The following UNC13B variants were observed in gnomAD, a reference collection of about 807,000 sequenced individuals.
UNC13B encodes unc-13 homolog B.
A neutral mutation model predicts 211.0 loss-of-function variants in UNC13B; 144 were observed. That is an observed-to-expected ratio of 0.68 (90% CI 0.60 to 0.78). The LOEUF is 0.78. Among genes scored for constraint, UNC13B ranks in the 30% least tolerant of loss-of-function variants. UNC13B has a pLI of 0.00. For missense variants in UNC13B, 1,777 were observed against 2,002.0 expected, an observed-to-expected ratio of 0.89 and a Z score of 2.14; for synonymous variants, 709 against 725.8, an observed-to-expected ratio of 0.98 and a Z score of 0.37.
chr9:35,397,835 C>A, intron 30 of UNC13B, 123 bp downstream of exon 30: 2 of 1,022,568 alleles, frequency 2.0e-6, no homozygotes, highest in Non-Finnish European at 2.9e-6. Context: ...CCCACCATGG[C>A]TTTGCTTCAG....
intron 26 of UNC13B, among the ~76,000 whole-genome samples, chr9:35,392,757 C>T (rs953628009): frequency 6.6e-6 from 1 of 151,270 alleles, no homozygotes; most frequent in Non-Finnish European, 1.5e-5. Context: ...CTAACCTGCA[C>T]ATTGTGCACA....
intron 7 of UNC13B, among the ~76,000 whole-genome samples, chr9:35,294,117 G>T (rs1225516191): frequency 3.3e-5 from 5 of 152,032 alleles, no homozygotes; most frequent in African/African-American, 1.2e-4. Context: ...AAGCCAAGGG[G>T]GGTCATTTCC....
intron 7 of UNC13B, among the ~76,000 whole-genome samples, chr9:35,284,746 G>GT (rs1372333871): frequency 1.3e-5 from 2 of 152,194 alleles, no homozygotes; most frequent in African/African-American, 4.8e-5. Flanking sequence ...AATTTCTAGT[G>GT]TTTGAGTTTA....
chr9:35,275,198 T>C (rs1828102441), intron 7 of UNC13B, among the ~76,000 whole-genome samples: 1 of 152,188 alleles, frequency 6.6e-6, no homozygotes, highest in Non-Finnish European at 1.5e-5. Flanking sequence ...ATGGGTAAAC[T>C]AGAGTTAAAA....
At chr9:35,243,186 A>T in intron 5 of UNC13B, 105 bp from the exon 6 acceptor site, 1 of 1,118,672 alleles carries the variant, frequency 8.9e-7, no homozygotes, top group Non-Finnish European at 1.3e-6. Context: ...GTGCATCACT[A>T]CCACCTTCTG....
chr9:35,167,664 T>C (rs1282033529), intron 1 of UNC13B, among the ~76,000 whole-genome samples: 2 of 146,570 alleles, frequency 1.4e-5, no homozygotes, highest in African/African-American at 5.0e-5. Flanking sequence ...CTCTGCTCAC[T>C]GCAACCTCTG....
chr9:35,390,830 T>A, intron 26 of UNC13B, 116 bp downstream of exon 26: 1 of 1,076,806 alleles, frequency 9.3e-7, no homozygotes, highest in Non-Finnish European at 1.3e-6. Context: ...AGTGAGAAAC[T>A]AAAGGAATTC....
chr9:35,358,861 G>T (rs995451915), intron 11 of UNC13B, among the ~76,000 whole-genome samples: 1 of 151,806 alleles, frequency 6.6e-6, no homozygotes, highest in Non-Finnish European at 1.5e-5. Context: ...ACGAAGCCTG[G>T]TTAATTTTTT....
At chr9:35,311,410 G>A (rs777270281) in intron 10 of UNC13B, among the ~76,000 whole-genome samples, 1 of 152,224 alleles carries the variant, frequency 6.6e-6, no homozygotes, top group Non-Finnish European at 1.5e-5. Context: ...TTCATCCACT[G>A]GGGCTGTGGT....
intron 1 of UNC13B, among the ~76,000 whole-genome samples, chr9:35,212,255 C>T (rs939952820): frequency 1.3e-5 from 2 of 152,116 alleles, no homozygotes; most frequent in African/African-American, 2.4e-5. Flanking sequence ...AATATCCCAT[C>T]CACAGTAGCA....
intron 1 of UNC13B, among the ~76,000 whole-genome samples, chr9:35,167,355 G>A (rs542072905): frequency 6.6e-6 from 1 of 152,258 alleles, no homozygotes; most frequent in South Asian, 2.1e-4. Context: ...TTACAGGCAT[G>A]AGCGCCTGGC....
chr9:35,212,799 C>T (rs1244380319), intron 1 of UNC13B, among the ~76,000 whole-genome samples: 1 of 152,170 alleles, frequency 6.6e-6, no homozygotes, highest in Non-Finnish European at 1.5e-5. Context: ...GAAAGTAGAA[C>T]TAATGCTTTA....
At chr9:35,315,054 ATTTTT>A (rs1156782392) in intron 11 of UNC13B, among the ~76,000 whole-genome samples, 1 of 135,370 alleles carries the variant, frequency 7.4e-6, no homozygotes, top group Admixed American at 7.4e-5. Flanking sequence ...TTTAAAAAAA[ATTTTT>A]TTTTTTTTTT....
chr9:35,249,502 C>T (rs970388422), intron 6 of UNC13B, among the ~76,000 whole-genome samples: 1 of 152,094 alleles, frequency 6.6e-6, no homozygotes, highest in South Asian at 2.1e-4. Flanking sequence ...ACCGGTTGTT[C>T]CTTTCCATGT....
intron 22 of UNC13B, chr9:35,385,062 A>G (rs1835103598): frequency 1.8e-5 from 18 of 985,376 alleles, no homozygotes; most frequent in East Asian, 1.1e-4. Context: ...TATTTGGCAT[A>G]TAAGTAGCCA....
At chr9:35,376,352 C>A in intron 15 of UNC13B, 105 bp downstream of exon 15, 2 of 1,149,800 alleles carry the variant, frequency 1.7e-6, no homozygotes, top group Non-Finnish European at 2.5e-6. Context: ...TCCCCCAGTC[C>A]ACCTGATTCT....
intron 11 of UNC13B, chr9:35,364,635 ATG>A (rs1367106254): frequency 4.1e-5 from 60 of 1,480,548 alleles, no homozygotes; most frequent in Non-Finnish European, 4.6e-5. Context: ...CAAGCACTGT[ATG>A]TGTGTGTGTA....
chr9:35,267,897 C>T (rs2131664966), intron 7 of UNC13B, among the ~76,000 whole-genome samples: 1 of 152,300 alleles, frequency 6.6e-6, no homozygotes, highest in Non-Finnish European at 1.5e-5. Context: ...ATCAAGATAA[C>T]TGGGACTCAC....
At position 35,307,986 on chromosome 9, in the gene UNC13B, C is replaced by T. The variant is rs1316729551; in HGVS notation, c.8582C>T (p.Ser2861Phe). ...CCTGAACAAATGCCTACAGAATCCT[C>T]CCCTCCAGTTTTAGTTACTAGCAGT... ...GVPEQMPTES[S>F]PPVLVTSSDQ... The change falls in exon 9 of 40, where the codon TCC becomes TTC. Residue 2861 changes from serine (S) to phenylalanine (F), a missense_variant. By Grantham distance (155) the Ser-to-Phe change is radical. Transcript: ENST00000635942. 2.5e-6 allele frequency: 1 copy of T among 398,938 alleles called. No homozygotes were observed. The highest frequency in any genetic ancestry group is 2.1e-5 in the African/African-American group (1 of 48,636). The allele number at this position is 398,938 out of a possible 1,614,324, so 24.7% of individuals were successfully genotyped here. A position where few individuals can be genotyped will look rare whatever the true frequency, so the allele number is the denominator to read the frequency against.
Sources: allele counts gnomAD v4.1 joint callset (sites outside exome capture counted in the v4.1 genomes callset), GRCh38; gene constraint gnomAD v4.1.1; transcripts MANE v1.5; gene names NCBI Gene and HGNC (gene_info 2026-07-23, HGNC 2026-07-21).